YLPM1: variants seen among roughly 807,000 people sequenced by gnomAD.
YLPM1 encodes the protein YLP motif-containing protein 1.
Under a neutral mutation model 230.0 loss-of-function variants are expected in YLPM1, and 99 were observed. That is an observed-to-expected ratio of 0.43 (90% confidence interval 0.37 to 0.51). YLPM1 has a LOEUF of 0.51. Among genes scored for constraint, YLPM1 ranks in the 20% least tolerant of loss-of-function variants. The probability of loss-of-function intolerance (pLI) is 0.00; values close to 1 mark genes in which losing one functional copy is unlikely to be tolerated. For missense variants in YLPM1, 2,592 were observed against 2,707.7 expected, an observed-to-expected ratio of 0.96 and a Z score of 0.95; for synonymous variants, 984 against 942.5, an observed-to-expected ratio of 1.04 and a Z score of -0.81.
chr14:74,812,814 C>T (rs1238272720), intron 11 of YLPM1, 32 bp downstream of exon 11: 36 of 1,598,986 alleles, frequency 2.3e-5, no homozygotes, highest in Non-Finnish European at 2.9e-5. Flanking sequence ...CGTCTTCGTG[C>T]AAACCAGAAG....
At position 74,809,690 on chromosome 14, in the gene YLPM1, C is replaced by T. The variant is rs374456976; in HGVS notation, c.4832C>T (p.Pro1611Leu). The stretch of plus-strand genomic sequence containing the variant: ...CCATCTGCTCCAGTATTACCACCCC[C>T]ACCTGTTCACTCTTCCATTCCCCCT... The part of the protein sequence containing the change: ...AIPSAPVLPP[P>L]PVHSSIPPPG... The change falls in exon 7 of 21, where the codon CCA becomes CTA. Residue 1611 changes from proline to leucine, a missense_variant. This residue lies in a region of YLPM1 where 403 missense variants were observed against 426.7 expected (regional missense o/e 0.94). Coordinates refer to ENST00000325680, the MANE Select transcript of YLPM1 (RefSeq NM_019589.3). 4.3e-6 allele frequency: 7 copies of T among 1,613,948 alleles called. No individual in the cohort carries two copies. The highest frequency in any genetic ancestry group is 4.5e-5 in the East Asian group (2 of 44,898).
At chr14:74,786,502 AT>A (rs779019917) in intron 4 of YLPM1, among the ~76,000 whole-genome samples, 3 of 152,030 alleles carry the variant, frequency 2.0e-5, no homozygotes, top group Non-Finnish European at 4.4e-5. Flanking sequence ...TGAGCCATAG[AT>A]TAGTTTTGCC....
chr14:74,806,822 TAACTC>T (rs2091383458), intron 6 of YLPM1, among the ~76,000 whole-genome samples: 1 of 151,586 alleles, frequency 6.6e-6, no homozygotes, highest in African/African-American at 2.4e-5. Context: ...TTTTTTAAAT[TAACTC>T]ATTATCCTTA....
chr14:74,768,445 C>A (rs943461280), intron 1 of YLPM1, among the ~76,000 whole-genome samples: 1 of 152,096 alleles, frequency 6.6e-6, no homozygotes, highest in African/African-American at 2.4e-5. Context: ...TGGGGTTTCA[C>A]CATGTTGGTC....
intron 1 of YLPM1, among the ~76,000 whole-genome samples, chr14:74,771,472 T>C (rs2090975386): frequency 6.6e-6 from 1 of 152,170 alleles, no homozygotes; most frequent in Non-Finnish European, 1.5e-5. Context: ...TTGCAGTTTT[T>C]GCTATTACTT....
intron 17 of YLPM1, among the ~76,000 whole-genome samples, chr14:74,823,620 C>G (rs912806636): frequency 3.3e-5 from 5 of 152,030 alleles, no homozygotes; most frequent in Non-Finnish European, 7.4e-5. Flanking sequence ...AAATAATAAT[C>G]TAGTTTTCAA....
At chr14:74,769,251 A>ATTTTTTTTTTTTTTTTTTTT (rs2090947722) in intron 1 of YLPM1, among the ~76,000 whole-genome samples, 1 of 17,804 alleles carries the variant, frequency 5.6e-5, no homozygotes, top group African/African-American at 1.4e-4. Flanking sequence ...ATTTTTTTGT[A>ATTTTTTTTTTTTTTTTTTTT]TTTTTATCTT....
chr14:74,793,744 T>TGTGA (rs1243920532), intron 4 of YLPM1, among the ~76,000 whole-genome samples: 1 of 152,216 alleles, frequency 6.6e-6, no homozygotes, highest in Non-Finnish European at 1.5e-5. Context: ...TTCTGCTTTA[T>TGTGA]GTGAATAGGG....
At chr14:74,819,798 A>G (rs1396255205) in intron 16 of YLPM1, among the ~76,000 whole-genome samples, 1 of 151,862 alleles carries the variant, frequency 6.6e-6, no homozygotes, top group East Asian at 1.9e-4. Flanking sequence ...GTGAATTCAC[A>G]TTTTTCTGGT....
At chr14:74,818,033 G>A (rs2091492961) in intron 15 of YLPM1, among the ~76,000 whole-genome samples, 198 bp from the exon 16 acceptor site, 1 of 151,006 alleles carries the variant, frequency 6.6e-6, no homozygotes, top group South Asian at 2.1e-4. Flanking sequence ...TCCAGCCTGG[G>A]TGACAGACCG....
intron 1 of YLPM1, among the ~76,000 whole-genome samples, chr14:74,775,741 A>C (rs1472563848): frequency 6.6e-6 from 1 of 152,240 alleles, no homozygotes; most frequent in East Asian, 1.9e-4. Flanking sequence ...ATATAACAAC[A>C]TTATAGATCA....
intron 1 of YLPM1, among the ~76,000 whole-genome samples, chr14:74,775,274 A>G (rs978746905): frequency 4.6e-5 from 7 of 152,194 alleles, no homozygotes; most frequent in African/African-American, 1.4e-4. Context: ...CTCTAGCACT[A>G]TGCTTGACTA....
chr14:74,812,017 T>C (rs903758172), intron 10 of YLPM1, among the ~76,000 whole-genome samples: 5 of 152,214 alleles, frequency 3.3e-5, no homozygotes, highest in African/African-American at 1.2e-4. Context: ...TACAGACATA[T>C]TTATGAAGTT....
chr14:74,809,863 C>T, intron 7 of YLPM1, 47 bp from the exon 8 acceptor site: 1 of 1,605,802 alleles, frequency 6.2e-7, no homozygotes, highest in South Asian at 1.1e-5. Context: ...CTTTAGCTTT[C>T]TCTAGCTTCA....
Position 74,810,352 on chromosome 14 carries a change from C to A in YLPM1, c.5160C>A (p.Asp1720Glu), listed in dbSNP as rs549881225. ...ATCGTGAGACACATAGAGATCGAGA[C>A]CGGGATCGTGGTGTTATTGACTATG... ...KRDRETHRDR[D>E]RDRGVIDYDR... The change falls in exon 9 of 21, where the codon GAC becomes GAA. Residue 1720 changes from aspartate (D) to glutamate (E), a missense_variant. Physicochemically the swap from Asp to Glu is conservative, Grantham distance 45 (BLOSUM62 2). Around this residue, in one of 4 missense-constraint regions of YLPM1, gnomAD observed 403 missense variants for 426.7 expected, o/e 0.94. Transcript: ENST00000325680. The A allele has an allele frequency of 5.0e-6, 8 of 1,613,378 alleles. No homozygotes were observed. In the East Asian group the frequency reaches 1.8e-4, roughly 36 times the overall value.
intron 1 of YLPM1, among the ~76,000 whole-genome samples, chr14:74,774,139 C>T (rs942294764): frequency 6.6e-6 from 1 of 152,226 alleles, no homozygotes; most frequent in Non-Finnish European, 1.5e-5. Flanking sequence ...ACATTTAATA[C>T]ACCTAGCCTA....
At chr14:74,814,758 T>G (rs1165658507) in intron 11 of YLPM1, among the ~76,000 whole-genome samples, 1 of 152,226 alleles carries the variant, frequency 6.6e-6, no homozygotes, top group Non-Finnish European at 1.5e-5. Context: ...AAGTTAGAAA[T>G]TATTCCTTCC....
intron 6 of YLPM1, among the ~76,000 whole-genome samples, chr14:74,804,659 C>T (rs1040306833): frequency 6.6e-6 from 1 of 152,186 alleles, no homozygotes; most frequent in Non-Finnish European, 1.5e-5. Flanking sequence ...CTTGTACATA[C>T]CCTGTAACAT....
chr14:74,834,593 A>G (rs775227405), intron 19 of YLPM1, among the ~76,000 whole-genome samples: 5 of 152,232 alleles, frequency 3.3e-5, no homozygotes, highest in Non-Finnish European at 5.9e-5. Context: ...AAAAGGGGTA[A>G]GTCAGGGAAG....
Sources: allele counts gnomAD v4.1 joint callset (sites outside exome capture counted in the v4.1 genomes callset), GRCh38; gene constraint gnomAD v4.1.1; regional missense constraint gnomAD v4.1.1; transcripts MANE v1.5; gene names NCBI Gene and HGNC (gene_info 2026-07-23, HGNC 2026-07-21).